The following FSTL5 variants were observed in gnomAD, a reference collection of about 807,000 sequenced individuals.
FSTL5 encodes follistatin-related protein 5.
FSTL5 carries 62 observed loss-of-function variants against 89.1 expected under a neutral mutation model. The ratio of observed to expected loss-of-function variants is 0.70; its 90% CI spans 0.57 to 0.86. The LOEUF (loss-of-function observed/expected upper bound fraction) is 0.86. FSTL5 is among the 40% of genes least tolerant of loss of function. The pLI, the probability that FSTL5 is intolerant of heterozygous loss-of-function variation, is 0.00. For synonymous variants in FSTL5, 383 were observed against 346.2 expected (o/e 1.11, Z -1.18); for missense variants, 1,057 against 1,001.6 (o/e 1.06, Z -0.75).
intron 12 of FSTL5, among the ~76,000 whole-genome samples, chr4:161,496,771 G>A (rs1730089525): frequency 2.7e-5 from 4 of 149,832 alleles, no homozygotes; most frequent in Non-Finnish European, 3.0e-5. Flanking sequence ...CTCTATATAG[G>A]AGATAGATAG....
At chr4:162,023,502 G>A (rs1016939214) in intron 3 of FSTL5, among the ~76,000 whole-genome samples, 7 of 152,068 alleles carry the variant, frequency 4.6e-5, no homozygotes, top group African/African-American at 1.7e-4. Context: ...AGATGAATTT[G>A]CTTCCCAGAA....
At chr4:162,102,814 G>A (rs1374395375) in intron 2 of FSTL5, among the ~76,000 whole-genome samples, 1 of 142,162 alleles carries the variant, frequency 7.0e-6, no homozygotes, top group East Asian at 2.7e-4. Flanking sequence ...TCCTGGACAA[G>A]CTTGGCTTTA....
chr4:161,794,793 G>A (rs1180285565), intron 4 of FSTL5, among the ~76,000 whole-genome samples: 1 of 151,856 alleles, frequency 6.6e-6, no homozygotes, highest in African/African-American at 2.4e-5. Flanking sequence ...ATTGGATTTT[G>A]TACTCAATTA....
intron 7 of FSTL5, among the ~76,000 whole-genome samples, chr4:161,621,797 C>A (rs999506123): frequency 1.5e-5 from 2 of 135,718 alleles, no homozygotes; most frequent in African/African-American, 2.9e-5. Flanking sequence ...GCCTGACCAA[C>A]ATGATGAGAC....
At chr4:161,637,500 GC>G (rs1341612781) in intron 7 of FSTL5, among the ~76,000 whole-genome samples, 3 of 151,892 alleles carry the variant, frequency 2.0e-5, no homozygotes. Context: ...GTCGTTTGTT[GC>G]CATTGCTTTT....
chr4:161,674,148 G>A (rs563661994), intron 6 of FSTL5, among the ~76,000 whole-genome samples: 6 of 152,062 alleles, frequency 3.9e-5, no homozygotes, highest in African/African-American at 9.6e-5. Context: ...ACTTAAAAAC[G>A]TATTTTAGTA....
chr4:162,015,101 A>G (rs554764420), intron 3 of FSTL5, among the ~76,000 whole-genome samples: 1 of 152,184 alleles, frequency 6.6e-6, no homozygotes, highest in African/African-American at 2.4e-5. Flanking sequence ...TCAAAAATGG[A>G]GTAAAACTTT....
At chr4:161,557,882 T>C (rs1020762204) in intron 8 of FSTL5, among the ~76,000 whole-genome samples, 5 of 151,818 alleles carry the variant, frequency 3.3e-5, no homozygotes, top group Non-Finnish European at 5.9e-5. Context: ...ATATGTGTTA[T>C]ATGTGCTCAT....
At chr4:161,583,662 A>G (rs11937972) in intron 8 of FSTL5, among the ~76,000 whole-genome samples, 1,765 of 152,292 alleles carry the variant, frequency 0.012, 32 homozygotes, top group African/African-American at 0.04. Flanking sequence ...TAAGACTAGA[A>G]CTGGCAAATT....
At chr4:162,041,905 C>G (rs1156604907) in intron 2 of FSTL5, 1 of 152,078 alleles carries the variant, frequency 6.6e-6, no homozygotes, top group Non-Finnish European at 1.5e-5. Context: ...AATCCCAGCA[C>G]TTTGGGAGGC....
At chr4:161,856,554 A>G (rs1476656624) in intron 4 of FSTL5, among the ~76,000 whole-genome samples, 1 of 151,946 alleles carries the variant, frequency 6.6e-6, no homozygotes, top group Admixed American at 6.6e-5. Context: ...ACAAAAGTGA[A>G]AAAAGCCAAA....
At chr4:161,683,905 C>A (rs1194196164) in intron 6 of FSTL5, among the ~76,000 whole-genome samples, 2 of 152,172 alleles carry the variant, frequency 1.3e-5, no homozygotes, top group Admixed American at 1.3e-4. Context: ...CCTTCCCAGT[C>A]TTTCCCCCTG....
intron 6 of FSTL5, among the ~76,000 whole-genome samples, chr4:161,672,471 G>GT (rs1372963702): frequency 6.6e-6 from 1 of 151,812 alleles, no homozygotes; most frequent in East Asian, 1.9e-4. Context: ...TTTTGCTTTT[G>GT]TTTTTTTGTA....
At chr4:161,992,874 A>G (rs1336512216) in intron 3 of FSTL5, among the ~76,000 whole-genome samples, 1 of 28,420 alleles carries the variant, frequency 3.5e-5, no homozygotes, top group African/African-American at 1.3e-4. Context: ...ATATATATAT[A>G]TATATATATA....
At chr4:161,456,308 T>A (rs566038225) in intron 14 of FSTL5, among the ~76,000 whole-genome samples, 1 of 152,316 alleles carries the variant, frequency 6.6e-6, no homozygotes, top group Admixed American at 6.5e-5. Flanking sequence ...ATAAATAAAT[T>A]ATGATAAATC....
intron 3 of FSTL5, among the ~76,000 whole-genome samples, chr4:161,992,726 C>T (rs2111080588): frequency 6.6e-6 from 1 of 150,556 alleles, no homozygotes; most frequent in East Asian, 2.0e-4. Flanking sequence ...CGCCTGCAAT[C>T]CCAGCTATCC....
intron 4 of FSTL5, among the ~76,000 whole-genome samples, chr4:161,832,271 T>A (rs1730870235): frequency 6.6e-6 from 1 of 151,954 alleles, no homozygotes; most frequent in African/African-American, 2.4e-5. Flanking sequence ...GACAGTGCAG[T>A]GATATTTTTT....
chr4:161,557,192 CA>C (rs1732424239), intron 8 of FSTL5, among the ~76,000 whole-genome samples: 1 of 151,182 alleles, frequency 6.6e-6, no homozygotes, highest in Non-Finnish European at 1.5e-5. Flanking sequence ...CTTTAAAATA[CA>C]AAACTACAAA....
At chr4:161,748,053 G>T (rs1740263231) in intron 6 of FSTL5, among the ~76,000 whole-genome samples, 1 of 152,034 alleles carries the variant, frequency 6.6e-6, no homozygotes, top group Non-Finnish European at 1.5e-5. Context: ...ATTCAACTTT[G>T]TTATTTAACA....
Sources: gnomAD v4.1 joint callset for allele counts (sites outside exome capture counted in the v4.1 genomes callset) on GRCh38, gnomAD v4.1.1 for gene constraint, MANE v1.5 for transcripts, NCBI Gene and HGNC (gene_info 2026-07-23, HGNC 2026-07-21) for gene names.